VGLL3: variants seen among roughly 807,000 people sequenced by gnomAD.
VGLL3 encodes vestigial like family member 3, also known as transcription cofactor vestigial-like protein 3.
In VGLL3, 18 loss-of-function variants were observed where a neutral mutation model predicts 29.2. The observed-to-expected ratio is 0.62, with a 90% CI of 0.43 to 0.91. VGLL3 has a LOEUF of 0.91. Ranked by LOEUF, VGLL3 falls within the 40% of genes least tolerant of loss-of-function variation. The pLI is 0.00. For missense variants in VGLL3, 440 were observed against 413.2 expected (o/e 1.06, Z -0.56); for synonymous variants, 180 against 151.8 (o/e 1.19, Z -1.36).
At chr3:86,970,766 A>G (rs996217395) in intron 2 of VGLL3, among the ~76,000 whole-genome samples, 1 of 152,170 alleles carries the variant, frequency 6.6e-6, no homozygotes, top group African/African-American at 2.4e-5. Context: ...TGTTGCCTAC[A>G]GTGTTGTATA....
At chr3:86,984,520 T>C (rs1002509738) in intron 1 of VGLL3, among the ~76,000 whole-genome samples, 2 of 152,198 alleles carry the variant, frequency 1.3e-5, no homozygotes, top group Admixed American at 1.3e-4. Context: ...TCCCAAAATG[T>C]TTTAAGCAAT....
At position 86,991,034 on chromosome 3, in the gene VGLL3, G is replaced by A. The variant is rs1297359111; in HGVS notation, c.-291C>T. 2.8e-6 allele frequency: 2 copies of A among 723,506 alleles called. No homozygotes were observed. The highest frequency in any genetic ancestry group is 6.1e-5 in the Admixed American group (1 of 16,406). 44.8% of individuals were successfully genotyped at this position (723,506 alleles called of 1,614,324 possible). The stretch of plus-strand genomic sequence containing the variant: ...CGCAGCCGCCCGCTGCGCCGCTGGG[G>A]CATTACCGCGTCCGGCTCCCGCGAG... On this transcript the variant is annotated 5_prime_UTR_variant, in exon 1 of 4. Transcript: ENST00000398399.
chr3:86,977,195 G>C (rs1415559257), intron 2 of VGLL3, among the ~76,000 whole-genome samples: 1 of 150,634 alleles, frequency 6.6e-6, no homozygotes, highest in Non-Finnish European at 1.5e-5. Flanking sequence ...GAAAAGTAAA[G>C]AAGCAAAGAA....
At position 86,983,532 on chromosome 3, in the gene VGLL3, AC is replaced by A. The variant is rs1289748170; in HGVS notation, c.127-4731del. On this transcript the variant is annotated intron_variant, in intron 1 of 3. Coordinates refer to ENST00000398399, the MANE Select transcript of VGLL3 (RefSeq NM_016206.4). Reference sequence around the variant, plus strand: ...TCAACTGGGACTACAGGTGTGTGCCACCATGCTGGCCTTATTTTTTATTCTA... The same window carrying A: ...TCAACTGGGACTACAGGTGTGTGCCACATGCTGGCCTTATTTTTTATTCTA... 2.0e-5 allele frequency among the ~76,000 whole-genome samples: 3 copies of A among 152,058 alleles called. No homozygotes were observed. The East Asian group carries it at 5.8e-4, about 29-fold the overall frequency.
At chr3:86,980,362 G>A (rs1038864174) in intron 1 of VGLL3, among the ~76,000 whole-genome samples, 12 of 151,984 alleles carry the variant, frequency 7.9e-5, no homozygotes, top group Non-Finnish European at 1.6e-4. Flanking sequence ...CTTGTATAAG[G>A]TGAGTACTGA....
chr3:86,972,634 G>A (rs1705127467), intron 2 of VGLL3, among the ~76,000 whole-genome samples: 1 of 152,118 alleles, frequency 6.6e-6, no homozygotes, highest in South Asian at 2.1e-4. Flanking sequence ...TTTGTTGGAT[G>A]AAGAAGACAT....
chr3:86,969,236 A>C, intron 2 of VGLL3, 113 bp from the exon 3 acceptor site: 1 of 1,281,608 alleles, frequency 7.8e-7, no homozygotes, highest in Non-Finnish European at 1.1e-6. Flanking sequence ...CAGTCAAATT[A>C]GCATGCACTC....
At chr3:86,964,633 A>G (rs1290725484) in intron 3 of VGLL3, among the ~76,000 whole-genome samples, 1 of 152,170 alleles carries the variant, frequency 6.6e-6, no homozygotes, top group Non-Finnish European at 1.5e-5. Flanking sequence ...CCCTTATAAA[A>G]GAGATCCTGA....
rs1704469458 is a variant in VGLL3, at chr3:86,944,668, C to T, written c.*2356G>A. On this transcript the variant is annotated 3_prime_UTR_variant, in exon 4 of 4. Coordinates refer to ENST00000398399, the MANE Select transcript of VGLL3 (RefSeq NM_016206.4). ...AATAAACTTTTTGTCTGACAGTTAC[C>T]GGGAGAACACAGAGCAAAGTCTAAA... 1.3e-5 allele frequency: 2 copies of T among 152,104 alleles called. No individual in the cohort carries two copies. Among genetic ancestry groups the T allele is most frequent in the Admixed American group, 6.6e-5 (1 of 15,260 alleles). The allele number at this position is 152,104 out of a possible 1,614,324, so 9.4% of individuals were successfully genotyped here.
rs887967198 is a variant in VGLL3 at position 86,943,434 on chromosome 3, T to C, written c.*3590A>G. 14 of 151,994 alleles carry C rather than the reference T, an allele frequency of 9.2e-5. No individual in the cohort carries two copies. Among genetic ancestry groups the C allele is most frequent in the Non-Finnish European group, 1.6e-4 (11 of 68,004 alleles). The allele number at this position is 151,994 out of a possible 1,614,324, so 9.4% of individuals were successfully genotyped here. ...TATTCTGCAAATCTTAGAATAGGAA[T>C]GGGCAAATACTTTTTGTATAATGAA... On this transcript the variant is annotated 3_prime_UTR_variant, in exon 4 of 4. Coordinates refer to ENST00000398399, the MANE Select transcript of VGLL3 (RefSeq NM_016206.4).
At chr3:86,962,015 T>G in intron 3 of VGLL3, 3 of 983,944 alleles carry the variant, frequency 3.0e-6, no homozygotes, top group Non-Finnish European at 3.6e-6. Flanking sequence ...ATTCATTTGA[T>G]AATAGATCTT....
chr3:86,982,642 G>A (rs568935628), intron 1 of VGLL3, among the ~76,000 whole-genome samples: 52 of 152,224 alleles, frequency 3.4e-4, no homozygotes, highest in African/African-American at 1.1e-3. Flanking sequence ...AGGTCACAAT[G>A]TAATCTAATT....
chr3:86,963,636 ATCT>A (rs1704903191), intron 3 of VGLL3, among the ~76,000 whole-genome samples: 1 of 152,256 alleles, frequency 6.6e-6, no homozygotes, highest in African/African-American at 2.4e-5. Flanking sequence ...AAGTCTGTCC[ATCT>A]TCTCTTACAT....
At chr3:86,961,056 A>G (rs1016588370) in intron 3 of VGLL3, among the ~76,000 whole-genome samples, 7 of 151,390 alleles carry the variant, frequency 4.6e-5, no homozygotes, top group African/African-American at 1.7e-4. Flanking sequence ...TAAGTTGTTT[A>G]TGTATACTGT....
chr3:86,978,502 G>A (rs770392893), intron 2 of VGLL3, 24 bp downstream of exon 2: 14 of 1,609,916 alleles, frequency 8.7e-6, no homozygotes, highest in Non-Finnish European at 1.1e-5. Context: ...GTGCCCTGGA[G>A]AACATCTGCT....
intron 2 of VGLL3, 130 bp from the exon 3 acceptor site, chr3:86,969,253 T>A: frequency 5.3e-6 from 6 of 1,132,202 alleles, no homozygotes; most frequent in African/African-American, 1.6e-5. Context: ...ACTCTTATTC[T>A]CCCCAAACAG....
chr3:86,990,885 C>T lies in VGLL3; in HGVS notation c.-142G>A, dbSNP rs1272709213. 1 of 1,135,804 alleles carries T rather than the reference C, an allele frequency of 8.8e-7. No individual in the cohort carries two copies. The highest frequency in any genetic ancestry group is 1.6e-5 in the African/African-American group (1 of 60,692). 70.4% of individuals were successfully genotyped at this position (1,135,804 alleles called of 1,614,324 possible). A position where few individuals can be genotyped will look rare whatever the true frequency, so the allele number is the denominator to read the frequency against. On this transcript the variant is annotated 5_prime_UTR_variant, in exon 1 of 4. Transcript: ENST00000398399. ...TGCGGCGAAGGCGGGTCCTCGGCGG[C>T]CTCGGGCTCCGCGCGGGGCGCGGGG...
rs1559727902 is a variant in VGLL3 at position 86,968,944 on chromosome 3, T to C, written c.583A>G (p.Thr195Ala). ...ACAGCAGGGGGAGGGGCTGGGCCAG[T>C]CTGATGCAGGTTGTGTCCCGGCCAA... ...SPWPGHNLHQTGPAPPPAVSE... is the reference protein window; with the variant it reads ...SPWPGHNLHQAGPAPPPAVSE... Residue 195 changes from threonine to alanine, a missense_variant, in exon 3 of 4, where the codon ACT becomes GCT. By Grantham distance (58) the Thr-to-Ala change is moderately conservative. Coordinates refer to ENST00000398399, the MANE Select transcript of VGLL3 (RefSeq NM_016206.4). 6.2e-7 allele frequency: 1 copy of C among 1,613,884 alleles called. No homozygotes were observed. The highest frequency in any genetic ancestry group is 1.3e-5 in the African/African-American group (1 of 74,928).
chr3:86,972,523 T>C (rs1189436607), intron 2 of VGLL3, among the ~76,000 whole-genome samples: 1 of 152,208 alleles, frequency 6.6e-6, no homozygotes, highest in Non-Finnish European at 1.5e-5. Flanking sequence ...AGAGATGATA[T>C]GCTTTGTTTC....
Sources: gnomAD v4.1 joint callset for allele counts (sites outside exome capture counted in the v4.1 genomes callset) on GRCh38, gnomAD v4.1.1 for gene constraint, MANE v1.5 for transcripts, NCBI Gene and HGNC (gene_info 2026-07-23, HGNC 2026-07-21) for gene names.